Variants in ZCCHC7 observed in about 807,000 individuals in gnomAD.
ZCCHC7 encodes zinc finger CCHC-type containing 7, also known as zinc finger CCHC domain-containing protein 7.
ZCCHC7 carries 35 observed loss-of-function variants against 52.0 expected under a neutral mutation model. The observed-to-expected ratio is 0.67, with a 90% confidence interval of 0.51 to 0.89. The LOEUF (loss-of-function observed/expected upper bound fraction) is 0.89, where lower values mean the gene tolerates loss of function less well. Among genes scored for constraint, ZCCHC7 ranks in the 40% least tolerant of loss-of-function variants. ZCCHC7 has a pLI of 0.00. For synonymous variants in ZCCHC7, 217 were observed against 221.5 expected (o/e 0.98, Z 0.18); for missense variants, 574 against 649.1 (o/e 0.88, Z 1.26).
intron 2 of ZCCHC7, among the ~76,000 whole-genome samples, chr9:37,280,791 C>G (rs1827921405): frequency 6.6e-6 from 1 of 151,962 alleles, no homozygotes; most frequent in South Asian, 2.1e-4. Context: ...TTTCTTGAGA[C>G]AGAGTCTTGC....
At chr9:37,163,224 A>AC (rs1428142331) in intron 2 of ZCCHC7, among the ~76,000 whole-genome samples, 7 of 151,702 alleles carry the variant, frequency 4.6e-5, no homozygotes, top group Admixed American at 2.0e-4. Flanking sequence ...AAACAAACAA[A>AC]AAAAAACAAA....
Position 37,217,514 on chromosome 9 carries a change from C to T in ZCCHC7, c.611-84674C>T, listed in dbSNP as rs1002165444. On this transcript the variant is annotated intron_variant, in intron 2 of 8. Transcript: ENST00000336755. ...TTGGCACCTTATAAAGCTCCCCTTTCGCCTCAAATTTGATTAAAGTGGATA... is the reference window on the plus strand; with the variant it reads ...TTGGCACCTTATAAAGCTCCCCTTTTGCCTCAAATTTGATTAAAGTGGATA... 3.9e-5 allele frequency among the ~76,000 whole-genome samples: 6 copies of T among 152,158 alleles called. No individual in the cohort carries two copies. In the South Asian group the frequency reaches 6.2e-4, roughly 16 times the overall value.
chr9:37,169,849 T>C (rs767830296), intron 2 of ZCCHC7, among the ~76,000 whole-genome samples: 1 of 152,144 alleles, frequency 6.6e-6, no homozygotes, highest in African/African-American at 2.4e-5. Context: ...GTGGTTTGCT[T>C]GAGCCCAGCA....
intron 2 of ZCCHC7, among the ~76,000 whole-genome samples, chr9:37,184,036 T>C (rs1286683701): frequency 6.6e-6 from 1 of 152,212 alleles, no homozygotes; most frequent in East Asian, 1.9e-4. Flanking sequence ...TGTATTGTAA[T>C]TGTGTGTTTT....
At chr9:37,160,089 A>T (rs1332474087) in intron 2 of ZCCHC7, 2 of 152,214 alleles carry the variant, frequency 1.3e-5, no homozygotes, top group African/African-American at 4.8e-5. Context: ...TACTTGAAGG[A>T]TCCTGTTGGA....
At chr9:37,291,793 C>T (rs1483978097) in intron 2 of ZCCHC7, among the ~76,000 whole-genome samples, 1 of 151,912 alleles carries the variant, frequency 6.6e-6, no homozygotes, top group Admixed American at 6.5e-5. Flanking sequence ...TCCTGGGTTC[C>T]AGTGATTCTC....
chr9:37,326,076 A>G (rs1298682245), intron 5 of ZCCHC7: 1 of 152,216 alleles, frequency 6.6e-6, no homozygotes, highest in Admixed American at 6.5e-5. Flanking sequence ...AACTATCCAT[A>G]ACTAATGTAT....
At chr9:37,210,229 A>G (rs1166030743) in intron 2 of ZCCHC7, among the ~76,000 whole-genome samples, 1 of 152,210 alleles carries the variant, frequency 6.6e-6, no homozygotes, top group Non-Finnish European at 1.5e-5. Context: ...GGACTTGTCA[A>G]ACTGACAGTT....
intron 2 of ZCCHC7, among the ~76,000 whole-genome samples, chr9:37,270,802 A>ATT (rs1268623262): frequency 1.3e-4 from 2 of 14,960 alleles, no homozygotes; most frequent in African/African-American, 5.2e-4. Context: ...AGTTTCCAGC[A>ATT]ATAATAAAAA....
rs189790764 is a variant in ZCCHC7, at chr9:37,176,159, C to T, written c.610+49217C>T. ...CTCGATCTTGGCTCACTGCAAGTGC[C>T]GCCTCCTGGGTTCATGCCATTCTCC... On this transcript the variant is annotated intron_variant, in intron 2 of 8. Transcript: ENST00000336755. 7.2e-3 allele frequency among the ~76,000 whole-genome samples: 1,095 copies of T among 152,240 alleles called. 12 individuals carry two copies. The highest frequency in any genetic ancestry group is 0.024 in the African/African-American group (1,012 of 41,524).
chr9:37,128,501 A>G (rs1842633391), intron 2 of ZCCHC7, among the ~76,000 whole-genome samples: 1 of 152,234 alleles, frequency 6.6e-6, no homozygotes, highest in South Asian at 2.1e-4. Context: ...TGGACCACCC[A>G]TGGTTGTAGT....
intron 2 of ZCCHC7, among the ~76,000 whole-genome samples, chr9:37,270,568 A>G (rs1305505773): frequency 6.6e-6 from 1 of 151,550 alleles, no homozygotes. Flanking sequence ...TGTAATCCCA[A>G]CTACTTGGGA....
intron 2 of ZCCHC7, among the ~76,000 whole-genome samples, chr9:37,136,444 C>T (rs535579249): frequency 6.6e-6 from 1 of 152,148 alleles, no homozygotes; most frequent in South Asian, 2.1e-4. Context: ...GGGTGTCTCT[C>T]TCCCACCCCA....
chr9:37,275,959 C>T (rs1827666435), intron 2 of ZCCHC7, among the ~76,000 whole-genome samples: 1 of 152,146 alleles, frequency 6.6e-6, no homozygotes, highest in African/African-American at 2.4e-5. Flanking sequence ...CTGGCAAACT[C>T]TTTTTTCAAA....
At chr9:37,283,934 T>A (rs1354624921) in intron 2 of ZCCHC7, among the ~76,000 whole-genome samples, 4 of 152,038 alleles carry the variant, frequency 2.6e-5, no homozygotes, top group Non-Finnish European at 4.4e-5. Flanking sequence ...GCTGCTTATT[T>A]TTTTTTTTTA....
intron 2 of ZCCHC7, among the ~76,000 whole-genome samples, chr9:37,130,715 C>T (rs1377054035): frequency 2.0e-5 from 3 of 151,490 alleles, no homozygotes; most frequent in East Asian, 2.0e-4. Context: ...CCAGGATGGT[C>T]GCGATCTCCT....
At chr9:37,318,471 A>G (rs1181027502) in intron 5 of ZCCHC7, among the ~76,000 whole-genome samples, 1 of 151,488 alleles carries the variant, frequency 6.6e-6, no homozygotes, top group Admixed American at 6.6e-5. Context: ...CAAAAAATAT[A>G]TATATTTTAT....
intron 7 of ZCCHC7, among the ~76,000 whole-genome samples, chr9:37,350,136 T>G (rs777780671): frequency 0.051 from 2,845 of 56,142 alleles, 51 homozygotes; most frequent in African/African-American, 0.23. Context: ...TTTTTTTTGG[T>G]TTTTTTTTTG....
intron 2 of ZCCHC7, among the ~76,000 whole-genome samples, chr9:37,244,538 C>G (rs1180182387): frequency 6.6e-6 from 1 of 151,830 alleles, no homozygotes; most frequent in African/African-American, 2.4e-5. Context: ...TTATAATAAA[C>G]TTCCTGGAAG....
Sources: allele counts gnomAD v4.1 joint callset (sites outside exome capture counted in the v4.1 genomes callset), GRCh38; gene constraint gnomAD v4.1.1; transcripts MANE v1.5; gene names NCBI Gene and HGNC (gene_info 2026-07-23, HGNC 2026-07-21).